CMTM6: variants seen among roughly 807,000 people sequenced by gnomAD.
CMTM6 encodes the protein CKLF like MARVEL transmembrane domain containing 6.
A neutral mutation model predicts 13.6 loss-of-function variants in CMTM6; 5 were observed. The observed-to-expected ratio is 0.37, with a 90% CI of 0.19 to 0.77. CMTM6 has a LOEUF of 0.77. CMTM6 is among the 30% of genes least tolerant of loss of function. The probability of loss-of-function intolerance (pLI) is 0.50; values close to 1 mark genes in which losing one functional copy is unlikely to be tolerated. For missense variants in CMTM6, 196 were observed against 218.6 expected, an observed-to-expected ratio of 0.90 and a Z score of 0.65; for synonymous variants, 99 against 84.5, an observed-to-expected ratio of 1.17 and a Z score of -0.94.
At chr3:32,496,676 A>G (rs189332102) in intron 1 of CMTM6, among the ~76,000 whole-genome samples, 2 of 152,312 alleles carry the variant, frequency 1.3e-5, no homozygotes, top group East Asian at 1.9e-4. Flanking sequence ...AAAATGTTCG[A>G]AGGAGCCGGA....
intron 2 of CMTM6, among the ~76,000 whole-genome samples, chr3:32,490,137 T>C (rs757629399): frequency 4.6e-5 from 7 of 151,978 alleles, no homozygotes; most frequent in Non-Finnish European, 8.8e-5. Context: ...TCCCAGCTAT[T>C]CGGGAGGCTG....
At chr3:32,487,159 C>T (rs573284403) in intron 3 of CMTM6, among the ~76,000 whole-genome samples, 64 of 152,158 alleles carry the variant, frequency 4.2e-4, no homozygotes, top group Non-Finnish European at 6.8e-4. Flanking sequence ...GGAAAAGTGC[C>T]GGTGAGACTC....
At chr3:32,488,203 T>C in intron 2 of CMTM6, 167 bp from the exon 3 acceptor site, 1 of 556,196 alleles carries the variant, frequency 1.8e-6, no homozygotes, top group Non-Finnish European at 3.3e-6. Context: ...TGGCATTCAA[T>C]AAATACCCTG....
intron 1 of CMTM6, among the ~76,000 whole-genome samples, chr3:32,493,176 G>A (rs1362253471): frequency 6.6e-6 from 1 of 152,196 alleles, no homozygotes; most frequent in Non-Finnish European, 1.5e-5. Flanking sequence ...AAACCAGTAT[G>A]GGAACAACAC....
chr3:32,487,297 T>G (rs534285236), intron 3 of CMTM6, among the ~76,000 whole-genome samples: 1 of 152,284 alleles, frequency 6.6e-6, no homozygotes, highest in Non-Finnish European at 1.5e-5. Flanking sequence ...TGATGAAACT[T>G]TAAGGATATG....
In CMTM6 at chr3:32,500,707, G is replaced by A. The variant is rs146063018; in HGVS notation, c.138+1901C>T. Among the ~76,000 whole-genome samples, 204 of 152,214 alleles carry A rather than the reference G, an allele frequency of 1.3e-3. 1 individual carries two copies. Among genetic ancestry groups the A allele is most frequent in the African/African-American group, 4.4e-3 (182 of 41,552 alleles). On this transcript the variant is annotated intron_variant, in intron 1 of 3. Transcript: ENST00000205636. Reference sequence around the variant, plus strand: ...GTGTTCCATGTTTTCTTCTATAACAGCAATAAGGAAGGAAACTGGTTATGT... The same window carrying A: ...GTGTTCCATGTTTTCTTCTATAACAACAATAAGGAAGGAAACTGGTTATGT...
At chr3:32,495,785 AC>A (rs1697284745) in intron 1 of CMTM6, among the ~76,000 whole-genome samples, 2 of 152,196 alleles carry the variant, frequency 1.3e-5, no homozygotes, top group South Asian at 4.1e-4. Context: ...CCTATTCCAA[AC>A]GTATTAACAG....
chr3:32,498,188 A>G (rs907231108), intron 1 of CMTM6, among the ~76,000 whole-genome samples: 6 of 152,190 alleles, frequency 3.9e-5, no homozygotes, highest in African/African-American at 1.4e-4. Context: ...TCAAGCTTTT[A>G]ATGTCAGGAG....
intron 3 of CMTM6, among the ~76,000 whole-genome samples, chr3:32,486,453 G>GT (rs1223584072): frequency 1.3e-5 from 2 of 152,134 alleles, no homozygotes; most frequent in Non-Finnish European, 2.9e-5. Context: ...ATATTCATAT[G>GT]TTTTACTTCA....
chr3:32,494,466 C>T (rs1248306247), intron 1 of CMTM6, among the ~76,000 whole-genome samples: 2 of 152,184 alleles, frequency 1.3e-5, no homozygotes, highest in Non-Finnish European at 2.9e-5. Context: ...TCAGCGGTTT[C>T]TTTAAAAACT....
intron 1 of CMTM6, among the ~76,000 whole-genome samples, chr3:32,495,782 C>T (rs534280221): frequency 6.6e-6 from 1 of 152,202 alleles, no homozygotes; most frequent in Non-Finnish European, 1.5e-5. Context: ...AGTCCTATTC[C>T]AAACGTATTA....
Position 32,486,023 on chromosome 3 carries a change from G to A in CMTM6, c.414+1915C>T, listed in dbSNP as rs62252147. Among the ~76,000 whole-genome samples, 836 of 152,164 alleles carry A rather than the reference G, an allele frequency of 5.5e-3. 2 individuals carry two copies. Among genetic ancestry groups the A allele is most frequent in the Non-Finnish European group, 8.8e-3 (597 of 67,992 alleles). On this transcript the variant is annotated intron_variant, in intron 3 of 3. Coordinates refer to ENST00000205636, the MANE Select transcript of CMTM6 (RefSeq NM_017801.3). The stretch of plus-strand genomic sequence containing the variant: ...CTCTCGAGTAGCTGGGACTACAGGC[G>A]CCTGCCACCATGCCCGGCTAAGTTT...
intron 1 of CMTM6, among the ~76,000 whole-genome samples, chr3:32,501,923 G>A (rs566828284): frequency 6.6e-6 from 1 of 152,136 alleles, no homozygotes; most frequent in African/African-American, 2.4e-5. Flanking sequence ...ACAGGTTTAT[G>A]GTACTTCAAC....
chr3:32,490,691 A>G (rs1697243080), intron 2 of CMTM6, among the ~76,000 whole-genome samples: 2 of 152,310 alleles, frequency 1.3e-5, no homozygotes, highest in Admixed American at 6.5e-5. Flanking sequence ...ATTTCTTGTC[A>G]AAATGATCAG....
chr3:32,502,821 C>G lies in CMTM6; in HGVS notation c.-76G>C, dbSNP rs1697360339. The G allele has an allele frequency of 7.4e-7, 1 of 1,350,322 alleles. No homozygotes were observed. The highest frequency in any genetic ancestry group is 9.5e-7 in the Non-Finnish European group (1 of 1,050,982). The allele number at this position is 1,350,322 out of a possible 1,614,324, so 83.6% of individuals were successfully genotyped here. ...TCGGACTCCAGAAGTCCCCGGTAGC[C>G]GGGAGGCGGCCGTCACTTCCTGGGC... On this transcript the variant is annotated 5_prime_UTR_variant, in exon 1 of 4. Coordinates refer to ENST00000205636, the MANE Select transcript of CMTM6 (RefSeq NM_017801.3).
At chr3:32,488,106 T>G in intron 2 of CMTM6, 70 bp from the exon 3 acceptor site, 1 of 1,131,502 alleles carries the variant, frequency 8.8e-7, no homozygotes, top group South Asian at 1.4e-5. Flanking sequence ...TTTTTCATTT[T>G]TAACTTTAAA....
At chr3:32,502,008 A>C (rs193045734) in intron 1 of CMTM6, among the ~76,000 whole-genome samples, 1 of 152,244 alleles carries the variant, frequency 6.6e-6, no homozygotes, top group Admixed American at 6.5e-5. Flanking sequence ...TACTTACAAA[A>C]AGCTGTCCTT....
chr3:32,493,648 G>A (rs1697267468), intron 1 of CMTM6, among the ~76,000 whole-genome samples: 2 of 152,098 alleles, frequency 1.3e-5, no homozygotes, highest in African/African-American at 2.4e-5. Flanking sequence ...GGAAATCTGA[G>A]GAATCTGAAG....
At chr3:32,498,993 TA>T (rs1436308274) in intron 1 of CMTM6, among the ~76,000 whole-genome samples, 1 of 152,224 alleles carries the variant, frequency 6.6e-6, no homozygotes, top group African/African-American at 2.4e-5. Flanking sequence ...AAAGAACTTT[TA>T]AATGTTTGCC....
Sources: allele counts gnomAD v4.1 joint callset (sites outside exome capture counted in the v4.1 genomes callset), GRCh38; gene constraint gnomAD v4.1.1; transcripts MANE v1.5; gene names NCBI Gene and HGNC (gene_info 2026-07-23, HGNC 2026-07-21).